The following PRPF18 variants were observed in gnomAD, a reference collection of about 807,000 sequenced individuals.
PRPF18 encodes pre-mRNA processing factor 18, also known as pre-mRNA-splicing factor 18.
In PRPF18, 38 loss-of-function variants were observed where a neutral mutation model predicts 46.5. The observed-to-expected ratio is 0.82, with a 90% confidence interval of 0.63 to 1.07. The LOEUF (loss-of-function observed/expected upper bound fraction) is 1.07, where lower values mean the gene tolerates loss of function less well. Ranked by LOEUF, PRPF18 falls within the 50% of genes least tolerant of loss-of-function variation. The probability of loss-of-function intolerance (pLI) is 0.00; values close to 1 mark genes in which losing one functional copy is unlikely to be tolerated. For synonymous variants in PRPF18, 152 were observed against 146.7 expected (o/e 1.04, Z -0.26); for missense variants, 263 against 410.0 (o/e 0.64, Z 3.10).
intron 3 of PRPF18, among the ~76,000 whole-genome samples, chr10:13,601,783 A>G (rs2080113968): frequency 6.6e-6 from 1 of 152,210 alleles, no homozygotes; most frequent in Non-Finnish European, 1.5e-5. Context: ...CTTTCATGAT[A>G]AAATAAGGTA....
chr10:13,654,106 C>T, the PRPF18 span: 1 of 517,962 alleles, frequency 1.9e-6, no homozygotes, highest in Non-Finnish European at 3.3e-6. Context: ...ATAATCCAAA[C>T]CGAAATGAAA....
chr10:13,606,090 G>A (rs1356839529), intron 4 of PRPF18, among the ~76,000 whole-genome samples: 2 of 151,984 alleles, frequency 1.3e-5, no homozygotes, highest in African/African-American at 2.4e-5. Flanking sequence ...CACGACACAC[G>A]TTTCCCTATG....
intron 1 of PRPF18, among the ~76,000 whole-genome samples, chr10:13,597,196 T>C (rs1402068510): frequency 6.6e-6 from 1 of 152,208 alleles, no homozygotes; most frequent in Non-Finnish European, 1.5e-5. Flanking sequence ...GTCTCCTCTT[T>C]GCTGATGGAC....
chr10:13,607,294 T>G (rs1475890065), intron 4 of PRPF18, among the ~76,000 whole-genome samples: 1 of 152,220 alleles, frequency 6.6e-6, no homozygotes, highest in Admixed American at 6.5e-5. Flanking sequence ...ATAGGAATTC[T>G]TTGTATATTC....
chr10:13,587,363 A>C (rs1207331637), intron 1 of PRPF18, among the ~76,000 whole-genome samples: 1 of 152,178 alleles, frequency 6.6e-6, no homozygotes, highest in Non-Finnish European at 1.5e-5. Context: ...AGGGAACTTG[A>C]GTACAATTCG....
the PRPF18 span, chr10:13,646,311 A>AT: frequency 1.3e-5 from 2 of 152,510 alleles, no homozygotes; most frequent in Admixed American, 6.5e-5. Context: ...GCCCCTCTTA[A>AT]TTTTTTATGT....
At chr10:13,645,542 C>T in the PRPF18 span, 6 of 152,734 alleles carry the variant, frequency 3.9e-5, no homozygotes, top group East Asian at 5.8e-4. Flanking sequence ...AACATGTAAA[C>T]GTGCAGCTCC....
intron 9 of PRPF18, among the ~76,000 whole-genome samples, chr10:13,621,316 C>T (rs754190055): frequency 5.3e-5 from 8 of 152,128 alleles, no homozygotes; most frequent in Admixed American, 1.3e-4. Flanking sequence ...CTGGAGCAGG[C>T]GATGAGAGGG....
At chr10:13,650,404 A>ATGCATGAGCATGAACTCG in the PRPF18 span, among the ~76,000 whole-genome samples, 1 of 151,996 alleles carries the variant, frequency 6.6e-6, no homozygotes, top group South Asian at 2.1e-4. Flanking sequence ...GTGCACATGT[A>ATGCATGAGCATGAACTCG]TGCATGAGCA....
At chr10:13,621,560 C>G (rs991098473) in intron 9 of PRPF18, among the ~76,000 whole-genome samples, 31 of 152,204 alleles carry the variant, frequency 2.0e-4, no homozygotes, top group African/African-American at 4.1e-4. Flanking sequence ...CTAGGTTGCT[C>G]TACTGTGTCT....
intron 3 of PRPF18, 60 bp from the exon 4 acceptor site, chr10:13,605,571 G>C: frequency 5.3e-6 from 7 of 1,331,578 alleles, no homozygotes; most frequent in Non-Finnish European, 5.8e-6. Flanking sequence ...AACAGAGTGA[G>C]ACTGTCTCAA....
intron 5 of PRPF18, among the ~76,000 whole-genome samples, 187 bp downstream of exon 5, chr10:13,610,372 G>A (rs1429561319): frequency 6.6e-6 from 1 of 152,002 alleles, no homozygotes; most frequent in Non-Finnish European, 1.5e-5. Context: ...CCTACTTCCT[G>A]CCTTCAAAAG....
At chr10:13,625,440 A>G (rs1012134304) in intron 9 of PRPF18, among the ~76,000 whole-genome samples, 1 of 152,264 alleles carries the variant, frequency 6.6e-6, no homozygotes, top group African/African-American at 2.4e-5. Context: ...GCAAAAATTT[A>G]GTAATTACAT....
At chr10:13,601,937 A>G (rs555908177) in intron 3 of PRPF18, among the ~76,000 whole-genome samples, 1 of 152,364 alleles carries the variant, frequency 6.6e-6, no homozygotes, top group Admixed American at 6.5e-5. Context: ...TGCAGTGCTA[A>G]GGTGAACTTC....
chr10:13,654,664 C>T, the PRPF18 span: 1 of 610,104 alleles, frequency 1.6e-6, no homozygotes, highest in East Asian at 2.7e-5. Flanking sequence ...GTCTCAGCAT[C>T]CCTATGGCAT....
At chr10:13,609,909 A>G in intron 4 of PRPF18, 130 bp from the exon 5 acceptor site, 1 of 865,346 alleles carries the variant, frequency 1.2e-6, no homozygotes, top group Non-Finnish European at 1.8e-6. Context: ...ATGTGATTTG[A>G]GTCCCTACTT....
intron 1 of PRPF18, among the ~76,000 whole-genome samples, chr10:13,588,290 C>T (rs1248702458): frequency 1.3e-5 from 2 of 152,052 alleles, no homozygotes; most frequent in Non-Finnish European, 2.9e-5. Flanking sequence ...GCCTGTAATC[C>T]CAGCTACTCA....
chr10:13,655,251 T>G, the PRPF18 span: 11 of 152,236 alleles, frequency 7.2e-5, no homozygotes, highest in African/African-American at 2.7e-4. Flanking sequence ...CTAAAATATG[T>G]TCCAAAAGAT....
chr10:13,599,946 A>G (rs1564452426), intron 2 of PRPF18, among the ~76,000 whole-genome samples: 1 of 152,206 alleles, frequency 6.6e-6, no homozygotes, highest in African/African-American at 2.4e-5. Context: ...GGAGAAAGAG[A>G]GTGCAAATTT....
Sources: gnomAD v4.1 joint callset for allele counts (sites outside exome capture counted in the v4.1 genomes callset) on GRCh38, gnomAD v4.1.1 for gene constraint, MANE v1.5 for transcripts, NCBI Gene and HGNC (gene_info 2026-07-23, HGNC 2026-07-21) for gene names.